USP48: variants seen among roughly 807,000 people sequenced by gnomAD.
The protein encoded by USP48 is ubiquitin carboxyl-terminal hydrolase 48.
In USP48, 43 loss-of-function variants were observed where a neutral mutation model predicts 150.7. The observed-to-expected ratio is 0.29, with a 90% CI of 0.22 to 0.37. The LOEUF (loss-of-function observed/expected upper bound fraction) is 0.37, where lower values mean the gene tolerates loss of function less well. Ranked by LOEUF, USP48 falls within the 10% of genes least tolerant of loss-of-function variation. USP48 has a pLI of 1.00. For missense variants in USP48, 813 were observed against 1,249.6 expected (o/e 0.65, Z 5.27); for synonymous variants, 396 against 425.9 (o/e 0.93, Z 0.86).
chr1:21,734,873 C>A (rs2097765278), intron 9 of USP48, among the ~76,000 whole-genome samples: 1 of 152,192 alleles, frequency 6.6e-6, no homozygotes, highest in African/African-American at 2.4e-5. Flanking sequence ...CTGTCCATTC[C>A]TTTGGAAAAT....
intron 15 of USP48, among the ~76,000 whole-genome samples, chr1:21,714,325 G>GAC (rs1437530501): frequency 6.6e-6 from 1 of 152,186 alleles, no homozygotes; most frequent in African/African-American, 2.4e-5. Context: ...GTCCAGGCTG[G>GAC]AGTGCAGCGT....
intron 6 of USP48, 62 bp downstream of exon 6, chr1:21,751,445 C>T: frequency 8.1e-7 from 1 of 1,231,884 alleles, no homozygotes; most frequent in South Asian, 1.2e-5. Flanking sequence ...AACAGAATAG[C>T]ATTCAGAACA....
At chr1:21,686,798 T>A (rs2097581216) in intron 25 of USP48, 1 of 189,182 alleles carries the variant, frequency 5.3e-6, no homozygotes, top group Non-Finnish European at 1.1e-5. Flanking sequence ...TAGAGAGTTG[T>A]CTAACTGCTT....
intron 12 of USP48, among the ~76,000 whole-genome samples, chr1:21,723,446 G>A (rs914516934): frequency 2.0e-5 from 3 of 151,110 alleles, no homozygotes; most frequent in Non-Finnish European, 2.9e-5. Context: ...CCCAGGAGGC[G>A]AAGGTTGCAG....
intron 9 of USP48, among the ~76,000 whole-genome samples, chr1:21,731,806 T>C (rs2097757598): frequency 6.6e-6 from 1 of 151,812 alleles, no homozygotes; most frequent in African/African-American, 2.4e-5. Context: ...GAGGCAGAGG[T>C]TGCAGTGAGC....
chr1:21,691,427 A>G (rs1324877621), intron 23 of USP48, among the ~76,000 whole-genome samples: 2 of 151,992 alleles, frequency 1.3e-5, no homozygotes, highest in African/African-American at 4.8e-5. Context: ...TGAGGTCAGG[A>G]GTTCAAGACC....
chr1:21,756,088 C>T (rs1178734745), intron 3 of USP48, among the ~76,000 whole-genome samples: 1 of 151,578 alleles, frequency 6.6e-6, no homozygotes, highest in Admixed American at 6.6e-5. Context: ...TTGCTTGAAC[C>T]TGAGAGGCGG....
At chr1:21,743,352 A>G (rs2097786444) in intron 8 of USP48, among the ~76,000 whole-genome samples, 1 of 152,180 alleles carries the variant, frequency 6.6e-6, no homozygotes. Flanking sequence ...GAAAACATAT[A>G]AATGTCCAAA....
Position 21,712,576 on chromosome 1 carries a change from G to A in USP48, c.1963+2813C>T, listed in dbSNP as rs117428317. On this transcript the variant is annotated intron_variant, in intron 15 of 26. Transcript: ENST00000308271. ...ATACCAGAAACATTTTACCCTGGAC[G>A]CATGGTATGCTGGCAGATAACGTAA... is the stretch of plus-strand genomic sequence containing the variant. 3.1e-3 allele frequency among the ~76,000 whole-genome samples: 468 copies of A among 151,672 alleles called. 19 individuals are homozygous for A. The East Asian group carries it at 0.084, about 27-fold the overall frequency.
intron 2 of USP48, 82 bp from the exon 3 acceptor site, chr1:21,756,784 G>A: frequency 6.4e-7 from 1 of 1,557,590 alleles, no homozygotes; most frequent in Non-Finnish European, 8.7e-7. Context: ...TAAATTTTCA[G>A]ATTAAAAATG....
At chr1:21,723,459 A>C (rs531292490) in intron 12 of USP48, among the ~76,000 whole-genome samples, 2 of 151,416 alleles carry the variant, frequency 1.3e-5, no homozygotes, top group African/African-American at 4.9e-5. Flanking sequence ...GGTTGCAGTG[A>C]GTCGAGATTG....
At chr1:21,706,419 G>A (rs772434727) in intron 17 of USP48, 48 bp downstream of exon 17, 4 of 1,611,166 alleles carry the variant, frequency 2.5e-6, no homozygotes, top group Non-Finnish European at 3.4e-6. Flanking sequence ...TTTGGCAAGG[G>A]CTTTAAAAAG....
At chr1:21,738,261 T>C (rs1191377036) in intron 8 of USP48, among the ~76,000 whole-genome samples, 2 of 152,188 alleles carry the variant, frequency 1.3e-5, no homozygotes, top group East Asian at 3.9e-4. Context: ...TTTCACCATG[T>C]TGGCCAGGCT....
intron 1 of USP48, 80 bp downstream of exon 1, chr1:21,782,744 C>G: frequency 2.1e-6 from 3 of 1,442,308 alleles, no homozygotes; most frequent in Admixed American, 2.6e-5. Context: ...AAAGGGCTGC[C>G]GTCTTCCTTT....
intron 11 of USP48, among the ~76,000 whole-genome samples, chr1:21,726,185 G>C (rs1024593847): frequency 2.0e-5 from 3 of 152,214 alleles, no homozygotes; most frequent in Admixed American, 6.5e-5. Context: ...CCCTCACAAT[G>C]AAAGGAATCT....
At chr1:21,743,491 G>C (rs2097786736) in intron 8 of USP48, among the ~76,000 whole-genome samples, 1 of 152,158 alleles carries the variant, frequency 6.6e-6, no homozygotes, top group Non-Finnish European at 1.5e-5. Context: ...GAAGAAGCAG[G>C]GGCAGCAGAG....
At chr1:21,765,901 CAAAAAAAAAAAAAAAAAA>C (rs199539331) in intron 1 of USP48, among the ~76,000 whole-genome samples, 8 of 112,154 alleles carry the variant, frequency 7.1e-5, no homozygotes, top group Admixed American at 8.8e-5. Flanking sequence ...ACTCCATCTC[CAAAAAAAAAAAAAAAAAA>C]AAAAAAAAAA....
At chr1:21,691,048 C>G (rs909591265) in intron 23 of USP48, among the ~76,000 whole-genome samples, 1 of 152,180 alleles carries the variant, frequency 6.6e-6, no homozygotes, top group Admixed American at 6.5e-5. Context: ...GGTGCAGTGG[C>G]TCTCGCCTGT....
intron 7 of USP48, 132 bp downstream of exon 7, chr1:21,748,006 A>G (rs923304773): frequency 3.4e-5 from 32 of 935,906 alleles, no homozygotes; most frequent in Non-Finnish European, 4.3e-5. Context: ...TCAAAATGAC[A>G]GCCTCCATCT....
Sources: gnomAD v4.1 joint callset for allele counts (sites outside exome capture counted in the v4.1 genomes callset) on GRCh38, gnomAD v4.1.1 for gene constraint, MANE v1.5 for transcripts, NCBI Gene and HGNC (gene_info 2026-07-23, HGNC 2026-07-21) for gene names.